DGKI: variants seen among roughly 807,000 people sequenced by gnomAD.
DGKI encodes diacylglycerol kinase iota, also known as DAG kinase iota.
Under a neutral mutation model 147.5 loss-of-function variants are expected in DGKI, and 55 were observed. The ratio of observed to expected loss-of-function variants is 0.37; its 90% CI spans 0.30 to 0.47. The LOEUF is 0.47. DGKI is among the 20% of genes least tolerant of loss of function. The pLI is 1.00. For missense variants in DGKI, 1,007 were observed against 1,323.8 expected, an observed-to-expected ratio of 0.76 and a Z score of 3.71; for synonymous variants, 469 against 477.1, an observed-to-expected ratio of 0.98 and a Z score of 0.22.
chr7:137,579,140 T>C (rs1819089621), intron 15 of DGKI, among the ~76,000 whole-genome samples: 8 of 152,162 alleles, frequency 5.3e-5, no homozygotes, highest in Admixed American at 5.2e-4. Flanking sequence ...GATTCTACTA[T>C]CCAAGCTTAT....
intron 23 of DGKI, among the ~76,000 whole-genome samples, chr7:137,476,137 C>A (rs1428168776): frequency 6.6e-6 from 1 of 152,074 alleles, no homozygotes; most frequent in East Asian, 1.9e-4. Context: ...CCAGCTGTCA[C>A]GATGTCAAGT....
chr7:137,694,988 T>C lies in DGKI; in HGVS notation c.402-4986A>G, dbSNP rs1192073238. On this transcript the variant is annotated intron_variant, in intron 1 of 32. Transcript: ENST00000614521. ...ACATTGAAATGTTGAAAGATGTAATTACTATTGAACCAAAGGTTGTGTTTT... is the reference window on the plus strand; with the variant it reads ...ACATTGAAATGTTGAAAGATGTAATCACTATTGAACCAAAGGTTGTGTTTT... Among the ~76,000 whole-genome samples the C allele has an allele frequency of 2.0e-5, 3 of 152,220 alleles. No homozygotes were observed. The East Asian group carries it at 5.8e-4, about 29-fold the overall frequency.
chr7:137,801,875 C>T (rs774929963), intron 1 of DGKI, among the ~76,000 whole-genome samples: 3 of 152,144 alleles, frequency 2.0e-5, no homozygotes, highest in Non-Finnish European at 4.4e-5. Context: ...TAGCATGTGC[C>T]CCCCTGCCCC....
intron 27 of DGKI, among the ~76,000 whole-genome samples, chr7:137,446,585 G>A (rs1422940669): frequency 6.6e-6 from 1 of 152,126 alleles, no homozygotes; most frequent in East Asian, 1.9e-4. Flanking sequence ...AAGTAGCTGG[G>A]CATGGTGGTG....
chr7:137,634,397 A>T, intron 6 of DGKI, among the ~76,000 whole-genome samples: 1 of 152,222 alleles, frequency 6.6e-6, no homozygotes. Context: ...AGACTCTAGG[A>T]TTCTGAAACA....
intron 28 of DGKI, among the ~76,000 whole-genome samples, chr7:137,422,746 A>G (rs1211419735): frequency 1.3e-5 from 2 of 151,294 alleles, no homozygotes; most frequent in African/African-American, 4.9e-5. Flanking sequence ...CTGGGACTAC[A>G]GGCGCCCGCC....
chr7:137,584,361 C>A (rs1420781517), intron 14 of DGKI, among the ~76,000 whole-genome samples: 1 of 152,122 alleles, frequency 6.6e-6, no homozygotes, highest in South Asian at 2.1e-4. Flanking sequence ...CAGAAACCTA[C>A]CAAATTTATC....
chr7:137,745,960 G>A (rs555246467), intron 1 of DGKI, among the ~76,000 whole-genome samples: 6 of 151,984 alleles, frequency 3.9e-5, no homozygotes, highest in Non-Finnish European at 8.8e-5. Context: ...TAAATTTGTC[G>A]GTGGAAGAGA....
chr7:137,654,743 A>C lies in DGKI; in HGVS notation c.727T>G (p.Ser243Ala). The C allele has an allele frequency of 1.9e-6, 3 of 1,607,650 alleles. No homozygotes were observed. The highest frequency in any genetic ancestry group is 2.6e-6 in the Non-Finnish European group (3 of 1,175,058). Residue 243 changes from serine to alanine, a missense_variant, in exon 5 of 33, where the codon TCA becomes GCA. Ser to Ala is a moderately conservative substitution (Grantham distance 99). Coordinates refer to ENST00000614521, the MANE Select transcript of DGKI (RefSeq NM_001321708.2). Reference protein sequence around the residue: ...KPTFREGGSRSPRENFVRHHW... With the variant: ...KPTFREGGSRAPRENFVRHHW... ...TCTGAAATACTCACTTCTCTTGGTGACCTTGAGCCTCCTTCTCGAAATGTT... is the reference window on the plus strand; with the variant it reads ...TCTGAAATACTCACTTCTCTTGGTGCCCTTGAGCCTCCTTCTCGAAATGTT...
Position 137,801,299 on chromosome 7 carries a change from G to A in DGKI, c.401+45163C>T, listed in dbSNP as rs116485253. On this transcript the variant is annotated intron_variant, in intron 1 of 32. Coordinates refer to ENST00000614521, the MANE Select transcript of DGKI (RefSeq NM_001321708.2). ...GCTCCCTGGAGTTGGAAATGGGATC[G>A]GCTTTCCTGAATCTCATTAGCTACT... 6.5e-3 allele frequency among the ~76,000 whole-genome samples: 993 copies of A among 152,230 alleles called. 7 individuals carry two copies. The highest frequency in any genetic ancestry group is 0.023 in the African/African-American group (945 of 41,554).
At chr7:137,743,753 G>A (rs1048481294) in intron 1 of DGKI, among the ~76,000 whole-genome samples, 1 of 152,114 alleles carries the variant, frequency 6.6e-6, no homozygotes, top group African/African-American at 2.4e-5. Flanking sequence ...GGAGGCCGAG[G>A]CAGGTGGATC....
intron 28 of DGKI, among the ~76,000 whole-genome samples, chr7:137,413,387 GACAGTGAACATAGTACTCA>G (rs138824727): frequency 0.015 from 2,242 of 152,064 alleles, 56 homozygotes; most frequent in African/African-American, 0.052. Context: ...CTGTCACCCA[GACAGTGAACATAGTACTCA>G]ACAAGAGGTT....
chr7:137,415,939 G>A (rs1002783587), intron 28 of DGKI, among the ~76,000 whole-genome samples: 54 of 152,086 alleles, frequency 3.6e-4, no homozygotes, highest in African/African-American at 1.3e-3. Context: ...GCAGTGAGCC[G>A]AGATCATGCC....
At chr7:137,457,501 T>C (rs566203888) in intron 27 of DGKI, among the ~76,000 whole-genome samples, 7 of 152,318 alleles carry the variant, frequency 4.6e-5, no homozygotes, top group African/African-American at 1.7e-4. Context: ...CAGAGGGGAA[T>C]GATGTTGTTT....
chr7:137,572,870 A>C, intron 17 of DGKI, 32 bp from the exon 18 acceptor site: 1 of 1,491,002 alleles, frequency 6.7e-7, no homozygotes. Flanking sequence ...AGGGGTTTTG[A>C]AGTAGTCACA....
rs1253594034 is a variant in DGKI, at chr7:137,463,505, G to A, written c.2719C>T (p.His907Tyr). The A allele has an allele frequency of 6.2e-7, 1 of 1,614,120 alleles. No homozygotes were observed. Among genetic ancestry groups the A allele is most frequent in the South Asian group, 1.1e-5 (1 of 91,086 alleles). ...AACTCTTACTGTAGCACGCGGGAGT[G>A]GCTGAGATCTTTCAGATCTGAGTCC... ...YEDSDLKDLS[H>Y]SRVLQSPVSS... The change falls in exon 27 of 33, where the codon CAC becomes TAC. Residue 907 changes from histidine to tyrosine, a missense_variant. By Grantham distance (83) the His-to-Tyr change is moderately conservative (BLOSUM62 2). Around this residue, in one of 5 missense-constraint regions of DGKI, gnomAD observed 385 missense variants for 445.2 expected, o/e 0.86. Transcript: ENST00000614521.
At chr7:137,756,448 G>A (rs1387018756) in intron 1 of DGKI, among the ~76,000 whole-genome samples, 5 of 152,198 alleles carry the variant, frequency 3.3e-5, no homozygotes, top group Non-Finnish European at 7.3e-5. Flanking sequence ...TGTAAGACAT[G>A]AGGGAATGAT....
chr7:137,706,018 C>T (rs935036825), intron 1 of DGKI, among the ~76,000 whole-genome samples: 5 of 151,986 alleles, frequency 3.3e-5, no homozygotes, highest in African/African-American at 1.2e-4. Flanking sequence ...ACCAAGCATG[C>T]TAGTCTATTA....
rs1299412339 is a variant in DGKI at position 137,638,464 on chromosome 7, G to GTATATATATATACACACATATATT, written c.804+7007_804+7008insAATATATGTGTGTATATATATATA. 6.5e-5 allele frequency among the ~76,000 whole-genome samples: 6 copies of GTATATATATATACACACATATATT among 92,882 alleles called. 1 individual carries two copies. The highest frequency in any genetic ancestry group is 3.8e-4 in the African/African-American group (6 of 15,664). The allele number at this position is 92,882 out of a possible 152,430, so 60.9% of individuals were successfully genotyped here. A position where few individuals can be genotyped will look rare whatever the true frequency, so the allele number is the denominator to read the frequency against. On this transcript the variant is annotated intron_variant, in intron 6 of 32. Transcript: ENST00000614521. ...TATATACACACACACATATATATGT[G>GTATATATATATACACACATATATT]TGTATATATGTGTGTATATATATAC... is the stretch of plus-strand genomic sequence containing the variant.
Sources: gnomAD v4.1 joint callset for allele counts (sites outside exome capture counted in the v4.1 genomes callset) on GRCh38, gnomAD v4.1.1 for gene constraint, gnomAD v4.1.1 regional missense constraint, MANE v1.5 for transcripts, NCBI Gene and HGNC (gene_info 2026-07-23, HGNC 2026-07-21) for gene names.